The following QSOX2 variants were observed in gnomAD, a reference collection of about 807,000 sequenced individuals.
The protein encoded by QSOX2 is sulfhydryl oxidase 2.
A neutral mutation model predicts 61.7 loss-of-function variants in QSOX2; 46 were observed. The ratio of observed to expected loss-of-function variants is 0.75; its 90% CI spans 0.59 to 0.95. QSOX2 has a LOEUF of 0.95. Among genes scored for constraint, QSOX2 ranks in the 40% least tolerant of loss-of-function variants. The pLI is 0.00. For synonymous variants in QSOX2, 383 were observed against 388.4 expected (o/e 0.99, Z 0.16); for missense variants, 879 against 918.9 (o/e 0.96, Z 0.56).
intron 8 of QSOX2, among the ~76,000 whole-genome samples, chr9:136,217,772 T>C (rs1381280541): frequency 1.3e-5 from 2 of 152,206 alleles, no homozygotes; most frequent in African/African-American, 4.8e-5. Flanking sequence ...CACACTGTCC[T>C]CCACTAATAT....
At chr9:136,233,218 G>A (rs774558817) in intron 1 of QSOX2, among the ~76,000 whole-genome samples, 2 of 152,202 alleles carry the variant, frequency 1.3e-5, no homozygotes, top group African/African-American at 2.4e-5. Context: ...GCACGAGAAG[G>A]CCTGGGCAAT....
At chr9:136,233,066 A>C (rs1830347092) in intron 1 of QSOX2, among the ~76,000 whole-genome samples, 1 of 152,108 alleles carries the variant, frequency 6.6e-6, no homozygotes, top group African/African-American at 2.4e-5. Flanking sequence ...AAGGAAGAGG[A>C]GCGAGCACCA....
At chr9:136,229,245 G>A (rs1225718546) in intron 1 of QSOX2, among the ~76,000 whole-genome samples, 1 of 152,202 alleles carries the variant, frequency 6.6e-6, no homozygotes, top group East Asian at 1.9e-4. Flanking sequence ...CCTTGCCCAA[G>A]CCTCAGACCA....
chr9:136,218,921 C>T (rs1252499845), intron 7 of QSOX2, 109 bp downstream of exon 7: 16 of 1,565,620 alleles, frequency 1.0e-5, no homozygotes, highest in South Asian at 3.6e-5. Context: ...GGCTCCTGAG[C>T]GGCCCTCACT....
In QSOX2 at chr9:136,221,975, G is replaced by A. The variant is rs201818202; in HGVS notation, c.676-34C>T. 53 of 1,517,248 alleles carry A rather than the reference G, an allele frequency of 3.5e-5. No individual in the cohort carries two copies. Among genetic ancestry groups the A allele is most frequent in the Non-Finnish European group, 4.4e-5 (50 of 1,129,058 alleles). The allele number at this position is 1,517,248 out of a possible 1,614,324, so 94.0% of individuals were successfully genotyped here. On this transcript the variant is annotated intron_variant, in intron 5 of 11. Transcript: ENST00000358701. This position sits in a 1 kb window ranked among gnomAD's most constrained non-coding sequence, Gnocchi z 4.5. ...TGAGAACACAATGACACTTCCACAG[G>A]GGCTGGCAGTTTCTCAGAAAACACG...
intron 1 of QSOX2, among the ~76,000 whole-genome samples, chr9:136,235,978 C>T (rs1250344283): frequency 6.6e-6 from 1 of 152,186 alleles, no homozygotes; most frequent in Non-Finnish European, 1.5e-5. Flanking sequence ...ATGTATGGAA[C>T]TTCGCAGCCA....
rs116611922 is a variant in QSOX2 at position 136,228,330 on chromosome 9, C to T, written c.329-1456G>A. ...GAGACCTGCCCTCACTGCAACCCAG[C>T]GGAATGACTCACATGAGGAAGGGGA... On this transcript the variant is annotated intron_variant, in intron 1 of 11. Coordinates refer to ENST00000358701, the MANE Select transcript of QSOX2 (RefSeq NM_181701.4). 7.5e-3 allele frequency among the ~76,000 whole-genome samples: 1,139 copies of T among 152,258 alleles called. 18 individuals are homozygous for T. The highest frequency in any genetic ancestry group is 0.026 in the African/African-American group (1,062 of 41,540).
Position 136,209,819 on chromosome 9 carries a change from G to C in QSOX2, c.1550-544C>G. The C allele has an allele frequency of 2.0e-6, 2 of 985,354 alleles. No individual in the cohort carries two copies. The highest frequency in any genetic ancestry group is 2.4e-6 in the Non-Finnish European group (2 of 829,910). The allele number at this position is 985,354 out of a possible 1,614,324, so 61.0% of individuals were successfully genotyped here. A position where few individuals can be genotyped will look rare whatever the true frequency, so the allele number is the denominator to read the frequency against. On this transcript the variant is annotated intron_variant, in intron 11 of 11. Transcript: ENST00000358701. This position sits in a 1 kb window ranked among gnomAD's most constrained non-coding sequence, Gnocchi z 5.6. ...ATTTCCACTGCACTTCAGGTACACT[G>C]GCCCTTTCCGGACTACAAATCCCTT...
chr9:136,217,429 C>T (rs1295419472), intron 8 of QSOX2, among the ~76,000 whole-genome samples: 4 of 152,210 alleles, frequency 2.6e-5, no homozygotes, highest in African/African-American at 9.6e-5. Context: ...TCCTCAAACC[C>T]GAGCTGAAGC....
intron 1 of QSOX2, among the ~76,000 whole-genome samples, chr9:136,229,950 C>T (rs952527628): frequency 5.9e-5 from 9 of 152,228 alleles, no homozygotes; most frequent in African/African-American, 2.2e-4. Flanking sequence ...GCCGCTTGGA[C>T]AGTCTGGGCC....
chr9:136,223,831 G>T lies in QSOX2; in HGVS notation c.607C>A (p.Leu203Ile), dbSNP rs762822266. Residue 203 changes from leucine to isoleucine, a missense_variant, in exon 5 of 12, where the codon CTT becomes ATT. Transcript: ENST00000358701. The surrounding 1 kb of genome is among the most constrained non-coding windows in gnomAD (Gnocchi z 4.4). ...PIQPSDVLSL[L>I]DNRGSHYVAI... ...ACGTAATGGCTGCCACGGTTGTCAA[G>T]AAGGGAAAGAACATCACTGGGCCTT... 34 of 1,614,104 alleles carry T rather than the reference G, an allele frequency of 2.1e-5. No homozygotes were observed. Among genetic ancestry groups the T allele is most frequent in the Non-Finnish European group, 2.8e-5 (33 of 1,180,032 alleles).
Position 136,215,321 on chromosome 9 carries a change from C to T in QSOX2, c.1210-17G>A. The T allele has an allele frequency of 6.3e-7, 1 of 1,585,982 alleles. No individual in the cohort carries two copies. On this transcript the variant is annotated splice_polypyrimidine_tract_variant and intron_variant, in intron 9 of 11. Coordinates refer to ENST00000358701, the MANE Select transcript of QSOX2 (RefSeq NM_181701.4). Reference sequence around the variant, plus strand: ...TCCAGAAATCTGAAAAACAAACAAACAAAAAAACCCCAAAGAATAAAAGAT... The same window carrying T: ...TCCAGAAATCTGAAAAACAAACAAATAAAAAAACCCCAAAGAATAAAAGAT...
In QSOX2 at chr9:136,206,607, C is replaced by CA. The variant is rs2131044161; in HGVS notation, c.*2120dup. Reference sequence around the variant, plus strand: ...GGCATCCAGCTCTGAGCAGGCCACACAAGGTGTGTCTGAGTATGGCCATAT... The same window carrying CA: ...GGCATCCAGCTCTGAGCAGGCCACACAAAGGTGTGTCTGAGTATGGCCATAT... On this transcript the variant is annotated 3_prime_UTR_variant, in exon 12 of 12. Coordinates refer to ENST00000358701, the MANE Select transcript of QSOX2 (RefSeq NM_181701.4). 6.6e-6 allele frequency: 1 copy of CA among 152,484 alleles called. No individual in the cohort carries two copies. The highest frequency in any genetic ancestry group is 6.5e-5 in the Admixed American group (1 of 15,300). The allele number at this position is 152,484 out of a possible 1,614,324, so 9.4% of individuals were successfully genotyped here. A position where few individuals can be genotyped will look rare whatever the true frequency, so the allele number is the denominator to read the frequency against.
chr9:136,245,068 G>A (rs782156649), intron 1 of QSOX2, among the ~76,000 whole-genome samples: 1 of 152,156 alleles, frequency 6.6e-6, no homozygotes, highest in Non-Finnish European at 1.5e-5. Flanking sequence ...GGGGTGTGTG[G>A]ACGCTAGGAA....
chr9:136,211,487 TGCGTGG>T lies in QSOX2; in HGVS notation c.1361-41_1361-36del, dbSNP rs1277356495. ...AAGAAACACTGCTGACAACGGCAGG[TGCGTGG>T]GCATCACCTGACCCCACGCTTGTCC... On this transcript the variant is annotated intron_variant, in intron 10 of 11. Transcript: ENST00000358701. The T allele has an allele frequency of 6.9e-6, 11 of 1,604,028 alleles. No homozygotes were observed. In the South Asian group the frequency reaches 1.2e-4, roughly 18 times the overall value.
chr9:136,220,531 C>T (rs1191701245), intron 6 of QSOX2, among the ~76,000 whole-genome samples: 1 of 152,136 alleles, frequency 6.6e-6, no homozygotes, highest in Non-Finnish European at 1.5e-5. Flanking sequence ...CGTGGCTAAA[C>T]CAGCACATGC....
intron 10 of QSOX2, among the ~76,000 whole-genome samples, chr9:136,214,593 T>C (rs1050791337): frequency 3.9e-5 from 6 of 152,160 alleles, no homozygotes; most frequent in African/African-American, 9.6e-5. Context: ...CTCTGCCCCA[T>C]GAGGGTGCTG....
rs945480283 is a variant in QSOX2, at chr9:136,209,663, C to T, written c.1550-388G>A. The T allele has an allele frequency of 8.1e-6, 8 of 985,174 alleles. No individual in the cohort carries two copies. The highest frequency in any genetic ancestry group is 9.6e-6 in the Non-Finnish European group (8 of 829,848). 61.0% of individuals were successfully genotyped at this position (985,174 alleles called of 1,614,324 possible). ...CAGTGCTGCCTGTGTGCCCCTCCCCCCACTGCTGCCCCTCTGCCCTTTCCT... is the reference window on the plus strand; with the variant it reads ...CAGTGCTGCCTGTGTGCCCCTCCCCTCACTGCTGCCCCTCTGCCCTTTCCT... On this transcript the variant is annotated intron_variant, in intron 11 of 11. Transcript: ENST00000358701. This position sits in a 1 kb window ranked among gnomAD's most constrained non-coding sequence, Gnocchi z 5.6.
intron 1 of QSOX2, among the ~76,000 whole-genome samples, chr9:136,234,110 C>T (rs1158654870): frequency 6.6e-6 from 1 of 151,310 alleles, no homozygotes; most frequent in African/African-American, 2.4e-5. Flanking sequence ...CCACCTGGGG[C>T]AGCCTGGCCA....
Sources: allele counts gnomAD v4.1 joint callset (sites outside exome capture counted in the v4.1 genomes callset), GRCh38; gene constraint gnomAD v4.1.1; non-coding constraint Gnocchi (gnomAD v3.1); transcripts MANE v1.5; gene names NCBI Gene and HGNC (gene_info 2026-07-23, HGNC 2026-07-21).